Variants in EEA1 observed in about 807,000 individuals in gnomAD.
EEA1 encodes the protein early endosome antigen 1, 162kD.
EEA1 carries 111 observed loss-of-function variants against 209.2 expected under a neutral mutation model. The ratio of observed to expected loss-of-function variants is 0.53; its 90% CI spans 0.45 to 0.62. The LOEUF (loss-of-function observed/expected upper bound fraction) is 0.62. Among genes scored for constraint, EEA1 ranks in the 20% least tolerant of loss-of-function variants. The pLI, the probability that EEA1 is intolerant of heterozygous loss-of-function variation, is 0.00. For missense variants in EEA1, 1,343 were observed against 1,530.8 expected, an observed-to-expected ratio of 0.88 and a Z score of 2.05; for synonymous variants, 536 against 540.6, an observed-to-expected ratio of 0.99 and a Z score of 0.12.
chr12:92,916,908 T>A (rs1204458436), intron 1 of EEA1, among the ~76,000 whole-genome samples: 2 of 149,554 alleles, frequency 1.3e-5, no homozygotes, highest in Non-Finnish European at 3.0e-5. Context: ...AAGGAGCTGA[T>A]GGAGCTGAAA....
chr12:92,793,790 T>G (rs142550883), intron 21 of EEA1, among the ~76,000 whole-genome samples: 2,582 of 152,194 alleles, frequency 0.017, 32 homozygotes, highest in East Asian at 0.04. Flanking sequence ...ACTTTAAAGT[T>G]CATATGGAAC....
chr12:92,869,700 C>CCAAA (rs1252991210), intron 2 of EEA1, among the ~76,000 whole-genome samples: 1 of 119,480 alleles, frequency 8.4e-6, no homozygotes, highest in Non-Finnish European at 1.6e-5. Context: ...TTGCAGTGAG[C>CCAAA]CAAAATTGCA....
rs1385750229 is a variant in EEA1 at position 92,886,273 on chromosome 12, G to A, written c.117+5356C>T. On this transcript the variant is annotated intron_variant, in intron 2 of 28. Coordinates refer to ENST00000322349, the MANE Select transcript of EEA1 (RefSeq NM_003566.4). ...TCTCAGCTACTCAAGAGGCTGAGGT[G>A]GGAGGAATGCTTGAGCCCAGAAGTT... Among the ~76,000 whole-genome samples, 13 of 148,444 alleles carry A rather than the reference G, an allele frequency of 8.8e-5. No individual in the cohort carries two copies. In the East Asian group the frequency reaches 2.6e-3, roughly 30 times the overall value.
intron 2 of EEA1, among the ~76,000 whole-genome samples, chr12:92,889,678 C>T (rs1879580187): frequency 6.6e-6 from 1 of 152,122 alleles, no homozygotes; most frequent in African/African-American, 2.4e-5. Context: ...GCAGGCAGAT[C>T]ACCCGAGGTC....
chr12:92,884,615 G>A (rs1265617063), intron 2 of EEA1: 22 of 1,387,438 alleles, frequency 1.6e-5, no homozygotes, highest in Non-Finnish European at 2.0e-5. Flanking sequence ...CTATGGTGGT[G>A]GAGGCCAATA....
chr12:92,873,714 T>C (rs1039953447), intron 2 of EEA1, among the ~76,000 whole-genome samples: 6 of 152,214 alleles, frequency 3.9e-5, no homozygotes, highest in African/African-American at 1.2e-4. Context: ...TTAGTAGCTA[T>C]GAGACCTTCA....
intron 20 of EEA1, among the ~76,000 whole-genome samples, chr12:92,801,022 A>G (rs1321010768): frequency 2.0e-5 from 3 of 152,222 alleles, no homozygotes; most frequent in African/African-American, 7.2e-5. Flanking sequence ...AGCAGCTAGC[A>G]GGTATGGCTT....
At chr12:92,860,595 A>C (rs1220100756) in intron 3 of EEA1, among the ~76,000 whole-genome samples, 1 of 152,116 alleles carries the variant, frequency 6.6e-6, no homozygotes, top group African/African-American at 2.4e-5. Flanking sequence ...TGTTTCCAGC[A>C]TTCCTAGGTA....
At chr12:92,825,506 C>T (rs6538359) in intron 13 of EEA1, among the ~76,000 whole-genome samples, 151,328 of 151,758 alleles carry the variant, frequency 1, 75,450 homozygotes, top group Middle Eastern at 1. Context: ...GTCAAATTCA[C>T]TTCAGCATTT....
In EEA1 at chr12:92,834,982, G is replaced by A. The variant is rs1028437733; in HGVS notation, c.916-2132C>T. ...CCAAGCTCCGCCTCTCGGGGTTCACGCCATTCTCCTGCCTCAGCCTCCCCA... is the reference window on the plus strand; with the variant it reads ...CCAAGCTCCGCCTCTCGGGGTTCACACCATTCTCCTGCCTCAGCCTCCCCA... On this transcript the variant is annotated intron_variant, in intron 10 of 28. Coordinates refer to ENST00000322349, the MANE Select transcript of EEA1 (RefSeq NM_003566.4). 5.3e-5 allele frequency among the ~76,000 whole-genome samples: 8 copies of A among 151,402 alleles called. 1 individual carries two copies. The South Asian group carries it at 6.3e-4, about 12-fold the overall frequency.
intron 1 of EEA1, among the ~76,000 whole-genome samples, chr12:92,911,902 T>G (rs1225104527): frequency 6.6e-6 from 1 of 152,222 alleles, no homozygotes; most frequent in Non-Finnish European, 1.5e-5. Context: ...GAGTAGCTAG[T>G]GTACCAACTC....
intron 2 of EEA1, chr12:92,884,209 C>T: frequency 6.6e-7 from 1 of 1,509,084 alleles, no homozygotes; most frequent in South Asian, 1.1e-5. Context: ...AGAAAAGGGG[C>T]TTTGCCTTTG....
chr12:92,849,028 T>C (rs1040919024), intron 9 of EEA1, among the ~76,000 whole-genome samples: 5 of 152,192 alleles, frequency 3.3e-5, no homozygotes, highest in African/African-American at 1.2e-4. Flanking sequence ...AGCCTGTATT[T>C]TTTTTAAATG....
At chr12:92,780,216 T>C (rs961879276) in intron 24 of EEA1, 64 bp downstream of exon 24, 80 of 1,451,498 alleles carry the variant, frequency 5.5e-5, no homozygotes, top group Non-Finnish European at 6.1e-5. Context: ...TATGTATGGG[T>C]ATATATATTT....
intron 1 of EEA1, among the ~76,000 whole-genome samples, chr12:92,894,163 C>T (rs1203193500): frequency 2.0e-5 from 3 of 152,120 alleles, no homozygotes; most frequent in Non-Finnish European, 4.4e-5. Context: ...CACTACAACC[C>T]ATACCCATAT....
chr12:92,820,790 T>C (rs539662572), intron 13 of EEA1, among the ~76,000 whole-genome samples: 33 of 150,984 alleles, frequency 2.2e-4, no homozygotes, highest in Non-Finnish European at 2.8e-4. Context: ...CACACACACA[T>C]ATATATATGT....
chr12:92,831,368 C>A (rs147196984), intron 11 of EEA1, among the ~76,000 whole-genome samples: 1,619 of 151,036 alleles, frequency 0.011, 29 homozygotes, highest in African/African-American at 0.038. Flanking sequence ...CTGATAGCCA[C>A]TATATTATTA....
intron 1 of EEA1, among the ~76,000 whole-genome samples, chr12:92,900,504 A>T (rs1880102270): frequency 6.6e-6 from 1 of 152,084 alleles, no homozygotes; most frequent in South Asian, 2.1e-4. Context: ...TGCAAACACC[A>T]AAGCAAAATT....
intron 22 of EEA1, among the ~76,000 whole-genome samples, chr12:92,786,052 T>C (rs1013067913): frequency 6.6e-6 from 1 of 151,694 alleles, no homozygotes; most frequent in African/African-American, 2.4e-5. Flanking sequence ...AAGAGTGTGA[T>C]TTCTATAAGA....
Sources: gnomAD v4.1 joint callset for allele counts (sites outside exome capture counted in the v4.1 genomes callset) on GRCh38, gnomAD v4.1.1 for gene constraint, MANE v1.5 for transcripts, NCBI Gene and HGNC (gene_info 2026-07-23, HGNC 2026-07-21) for gene names.